Variants in MYZAP observed in about 807,000 individuals in gnomAD.
MYZAP encodes the protein GRINL1A complex locus upstream.
Under a neutral mutation model 69.4 loss-of-function variants are expected in MYZAP, and 66 were observed. That is an observed-to-expected ratio of 0.95 (90% CI 0.78 to 1.17). The LOEUF (loss-of-function observed/expected upper bound fraction) is 1.17. Ranked by LOEUF, MYZAP falls within the 50% of genes most tolerant of loss-of-function variation. The probability of loss-of-function intolerance (pLI) is 0.00; values close to 1 mark genes in which losing one functional copy is unlikely to be tolerated. For synonymous variants in MYZAP, 256 were observed against 205.9 expected, an observed-to-expected ratio of 1.24 and a Z score of -2.09; for missense variants, 611 against 556.2, an observed-to-expected ratio of 1.10 and a Z score of -0.99.
rs773962169 is a variant in MYZAP, at chr15:57,639,468, A to G, written c.1042A>G (p.Ser348Gly). 1 of 1,614,110 alleles carries G rather than the reference A, an allele frequency of 6.2e-7. No homozygotes were observed. Among genetic ancestry groups the G allele is most frequent in the Non-Finnish European group, 8.5e-7 (1 of 1,179,990 alleles). ...RYQQLEEASA[S>G]LRERIRHLDD... ...TCAGCAGTTGGAGGAGGCATCAGCC[A>G]GCCTCCGTGAGCGGATCAGACACCT... Residue 348 changes from serine to glycine, a missense_variant, in exon 10 of 13, where the codon AGC becomes GGC. Transcript: ENST00000267853.
chr15:57,684,843 G>T lies in MYZAP; in HGVS notation c.*345G>T, dbSNP rs2039618030. The T allele has an allele frequency of 1.1e-5, 2 of 178,620 alleles. No individual in the cohort carries two copies. The highest frequency in any genetic ancestry group is 4.7e-5 in the African/African-American group (2 of 42,108). The allele number at this position is 178,620 out of a possible 1,614,324, so 11.1% of individuals were successfully genotyped here. A position where few individuals can be genotyped will look rare whatever the true frequency, so the allele number is the denominator to read the frequency against. On this transcript the variant is annotated 3_prime_UTR_variant, in exon 13 of 13. Transcript: ENST00000267853. ...TTGGGAGGGAAAAGGACATTAATTT[G>T]AAGTTTCATGTTATTCATGCCAGGA...
intron 11 of MYZAP, among the ~76,000 whole-genome samples, chr15:57,668,879 T>G (rs1162483345): frequency 2.6e-5 from 3 of 116,020 alleles, no homozygotes; most frequent in Non-Finnish European, 5.2e-5. Context: ...TGAAGATATA[T>G]ATATATATAT....
chr15:57,633,549 T>G, intron 7 of MYZAP, 64 bp from the exon 8 acceptor site: 2 of 1,542,996 alleles, frequency 1.3e-6, no homozygotes, highest in Non-Finnish European at 1.7e-6. Flanking sequence ...CTGAGCTGAT[T>G]GGATCCCGGT....
At chr15:57,636,139 G>GT (rs535454874) in intron 8 of MYZAP, among the ~76,000 whole-genome samples, 1,807 of 147,230 alleles carry the variant, frequency 0.012, 18 homozygotes, top group South Asian at 0.051. Context: ...CTTGTTTTTT[G>GT]TTTTTTTTTT....
intron 10 of MYZAP, chr15:57,647,268 C>G: frequency 1.0e-6 from 1 of 985,428 alleles, no homozygotes; most frequent in Non-Finnish European, 1.2e-6. Context: ...ATATTGTTCA[C>G]CTGTGCACGG....
chr15:57,622,307 G>A (rs2035867642), intron 4 of MYZAP, among the ~76,000 whole-genome samples: 1 of 152,118 alleles, frequency 6.6e-6, no homozygotes, highest in South Asian at 2.1e-4. Flanking sequence ...GAAACACCAT[G>A]TGCTTAGAAA....
At chr15:57,639,373 G>C in intron 9 of MYZAP, 67 bp from the exon 10 acceptor site, 1 of 1,531,868 alleles carries the variant, frequency 6.5e-7, no homozygotes, top group Non-Finnish European at 9.0e-7. Context: ...TTAAAGCTGT[G>C]ACTGTTGCTA....
At chr15:57,610,376 G>A (rs1379579636) in intron 2 of MYZAP, among the ~76,000 whole-genome samples, 1 of 152,206 alleles carries the variant, frequency 6.6e-6, no homozygotes, top group African/African-American at 2.4e-5. Context: ...TGGCGTGACT[G>A]TTTATACAAC....
At chr15:57,669,785 G>C (rs2038781438) in intron 11 of MYZAP, among the ~76,000 whole-genome samples, 1 of 152,040 alleles carries the variant, frequency 6.6e-6, no homozygotes, top group Non-Finnish European at 1.5e-5. Context: ...AGCTATAAAT[G>C]TCCTTCTAAT....
At chr15:57,593,188 G>GCATGCGCGCGCACACACACACA in intron 1 of MYZAP, among the ~76,000 whole-genome samples, 31 of 114,202 alleles carry the variant, frequency 2.7e-4, no homozygotes, top group Non-Finnish European at 4.4e-4. Context: ...GTACACAGGC[G>GCATGCGCGCGCACACACACACA]CACACACACA....
intron 10 of MYZAP, among the ~76,000 whole-genome samples, chr15:57,660,552 C>A (rs2038237288): frequency 1.3e-5 from 2 of 152,178 alleles, no homozygotes. Context: ...TAGGCTCAAG[C>A]AATCCTCCTC....
intron 12 of MYZAP, among the ~76,000 whole-genome samples, chr15:57,676,029 C>T (rs1005173763): frequency 3.3e-5 from 5 of 151,964 alleles, no homozygotes; most frequent in Non-Finnish European, 5.9e-5. Context: ...AGTGACGAGC[C>T]GATCACCAAG....
intron 10 of MYZAP, among the ~76,000 whole-genome samples, chr15:57,640,070 C>T (rs2037060148): frequency 6.6e-6 from 1 of 152,108 alleles, no homozygotes; most frequent in Non-Finnish European, 1.5e-5. Flanking sequence ...TTTCCTTTGC[C>T]ACCATCCTTT....
At chr15:57,598,333 T>C (rs1254477376) in intron 1 of MYZAP, among the ~76,000 whole-genome samples, 5 of 152,130 alleles carry the variant, frequency 3.3e-5, no homozygotes, top group Non-Finnish European at 7.4e-5. Context: ...CCTCCCTTGC[T>C]ATCCTTCCCA....
chr15:57,644,751 C>T (rs1196058112), intron 10 of MYZAP, among the ~76,000 whole-genome samples: 1 of 152,216 alleles, frequency 6.6e-6, no homozygotes, highest in Non-Finnish European at 1.5e-5. Context: ...CAGGCGTGAG[C>T]CACTACACCT....
intron 1 of MYZAP, among the ~76,000 whole-genome samples, chr15:57,598,672 C>G (rs961606997): frequency 1.3e-5 from 2 of 152,204 alleles, no homozygotes; most frequent in Admixed American, 6.5e-5. Context: ...TCCTCATTGT[C>G]TTCTGACTAG....
chr15:57,630,720 G>C (rs1160721696), intron 6 of MYZAP, among the ~76,000 whole-genome samples: 2 of 152,212 alleles, frequency 1.3e-5, no homozygotes, highest in Non-Finnish European at 2.9e-5. Flanking sequence ...TCCATGAATG[G>C]CTCCTGGAGG....
intron 11 of MYZAP, among the ~76,000 whole-genome samples, chr15:57,662,431 T>C (rs2038357564): frequency 6.6e-6 from 1 of 152,190 alleles, no homozygotes; most frequent in African/African-American, 2.4e-5. Context: ...ACTTTGGATA[T>C]GTTCTGTGTA....
At chr15:57,598,579 G>T (rs1437005629) in intron 1 of MYZAP, among the ~76,000 whole-genome samples, 1 of 152,180 alleles carries the variant, frequency 6.6e-6, no homozygotes, top group Non-Finnish European at 1.5e-5. Flanking sequence ...TGGAACACTG[G>T]AGGCACTGAA....
Sources: allele counts gnomAD v4.1 joint callset (sites outside exome capture counted in the v4.1 genomes callset), GRCh38; gene constraint gnomAD v4.1.1; transcripts MANE v1.5; gene names NCBI Gene and HGNC (gene_info 2026-07-23, HGNC 2026-07-21).